The following PRKAR2B variants were observed in gnomAD, a reference collection of about 807,000 sequenced individuals.
PRKAR2B encodes the protein cAMP-dependent protein kinase type II-beta regulatory subunit.
PRKAR2B carries 14 observed loss-of-function variants against 49.9 expected under a neutral mutation model. The observed-to-expected ratio is 0.28, with a 90% CI of 0.19 to 0.44. PRKAR2B has a LOEUF of 0.44. Ranked by LOEUF, PRKAR2B falls within the 20% of genes least tolerant of loss-of-function variation. PRKAR2B has a pLI of 1.00. For missense variants in PRKAR2B, 393 were observed against 537.9 expected (o/e 0.73, Z 2.67); for synonymous variants, 196 against 197.7 (o/e 0.99, Z 0.07).
chr7:107,064,498 GGAA>G (rs1325087967), intron 1 of PRKAR2B, among the ~76,000 whole-genome samples: 1 of 152,126 alleles, frequency 6.6e-6, no homozygotes, highest in Non-Finnish European at 1.5e-5. Context: ...TAATCAAAAA[GGAA>G]GAAGAAAAGT....
rs1218344158 is a variant in PRKAR2B, at chr7:107,044,786, G to T, written c.-122G>T. On this transcript the variant is annotated 5_prime_UTR_variant, in exon 1 of 11. Coordinates refer to ENST00000265717, the MANE Select transcript of PRKAR2B (RefSeq NM_002736.3). ...CAGCCGGGCCGCCGGGGCCCAGTGC[G>T]CCGCGCTCGCAGCCGGTAGCGCGCC... is the stretch of plus-strand genomic sequence containing the variant. The T allele has an allele frequency of 4.8e-6, 3 of 625,388 alleles. No individual in the cohort carries two copies. Among genetic ancestry groups the T allele is most frequent in the Non-Finnish European group, 6.3e-6 (3 of 478,880 alleles). The allele number at this position is 625,388 out of a possible 1,614,324, so 38.7% of individuals were successfully genotyped here.
At chr7:107,069,290 A>G (rs909912020) in intron 1 of PRKAR2B, among the ~76,000 whole-genome samples, 3 of 152,210 alleles carry the variant, frequency 2.0e-5, no homozygotes, top group Non-Finnish European at 4.4e-5. Flanking sequence ...TACACATCTG[A>G]CATAGTTTTA....
intron 1 of PRKAR2B, among the ~76,000 whole-genome samples, chr7:107,052,382 C>T (rs780105683): frequency 6.6e-6 from 1 of 152,146 alleles, no homozygotes; most frequent in South Asian, 2.1e-4. Context: ...TGCGCCACTG[C>T]ACTCCAGCTT....
chr7:107,081,972 G>A (rs1321814907), intron 2 of PRKAR2B: 1 of 152,156 alleles, frequency 6.6e-6, no homozygotes, highest in Non-Finnish European at 1.5e-5. Context: ...TTTAATATAT[G>A]CATTGCCTAA....
intron 8 of PRKAR2B, among the ~76,000 whole-genome samples, chr7:107,154,051 C>G (rs868267031): frequency 1.3e-5 from 2 of 151,800 alleles, no homozygotes; most frequent in Non-Finnish European, 2.9e-5. Context: ...GTAAATCTTT[C>G]GATCAACACC....
chr7:107,120,461 G>A (rs1795367174), intron 2 of PRKAR2B, among the ~76,000 whole-genome samples: 1 of 152,066 alleles, frequency 6.6e-6, no homozygotes, highest in African/African-American at 2.4e-5. Flanking sequence ...GGGAATAGTG[G>A]TACCAAAGAT....
intron 1 of PRKAR2B, among the ~76,000 whole-genome samples, chr7:107,053,525 A>AGTGTGTGTGTGT (rs56855022): frequency 1.4e-5 from 2 of 141,890 alleles, no homozygotes; most frequent in African/African-American, 2.6e-5. Context: ...GATTATAAAG[A>AGTGTGTGTGTGT]GTGTGTGTGT....
At chr7:107,116,868 T>TATATATATATACACAC (rs1795283000) in intron 2 of PRKAR2B, among the ~76,000 whole-genome samples, 1 of 148,162 alleles carries the variant, frequency 6.7e-6, no homozygotes, top group African/African-American at 2.5e-5. Flanking sequence ...TATATATACA[T>TATATATATATACACAC]ATATATATAT....
At chr7:107,059,206 T>C (rs1793978108) in intron 1 of PRKAR2B, among the ~76,000 whole-genome samples, 2 of 152,162 alleles carry the variant, frequency 1.3e-5, no homozygotes, top group Admixed American at 6.5e-5. Context: ...GAGAATCGCT[T>C]GAACCCAGGA....
intron 2 of PRKAR2B, among the ~76,000 whole-genome samples, chr7:107,079,825 A>T (rs574694055): frequency 2.0e-5 from 3 of 152,186 alleles, no homozygotes; most frequent in Non-Finnish European, 4.4e-5. Context: ...GACACTCTGG[A>T]TGAGGTCAAA....
intron 2 of PRKAR2B, among the ~76,000 whole-genome samples, chr7:107,110,032 G>T (rs974280177): frequency 1.1e-4 from 16 of 152,180 alleles, no homozygotes; most frequent in Non-Finnish European, 1.5e-5. Context: ...ACAGTCTTGG[G>T]TTACCAGCAC....
intron 1 of PRKAR2B, among the ~76,000 whole-genome samples, chr7:107,059,010 G>A (rs566209368): frequency 3.3e-5 from 5 of 152,058 alleles, no homozygotes; most frequent in African/African-American, 4.8e-5. Context: ...TCCTGGCCAC[G>A]CACGGTGGCT....
At chr7:107,094,935 A>G (rs1794806717) in intron 2 of PRKAR2B, among the ~76,000 whole-genome samples, 1 of 152,200 alleles carries the variant, frequency 6.6e-6, no homozygotes, top group Admixed American at 6.5e-5. Context: ...GAAGTCAGGT[A>G]GCATGATGCC....
intron 2 of PRKAR2B, among the ~76,000 whole-genome samples, chr7:107,119,593 G>A (rs1250732703): frequency 6.6e-6 from 1 of 152,176 alleles, no homozygotes; most frequent in East Asian, 1.9e-4. Context: ...CAGTTAAAGT[G>A]TCCCAGACAC....
At chr7:107,080,877 GT>G (rs1487687656) in intron 2 of PRKAR2B, among the ~76,000 whole-genome samples, 1 of 152,176 alleles carries the variant, frequency 6.6e-6, no homozygotes, top group African/African-American at 2.4e-5. Flanking sequence ...GGCAGATACA[GT>G]TTAGGATCTT....
At chr7:107,099,287 A>G (rs919053585) in intron 2 of PRKAR2B, among the ~76,000 whole-genome samples, 5 of 152,126 alleles carry the variant, frequency 3.3e-5, no homozygotes, top group African/African-American at 7.2e-5. Flanking sequence ...GCAGTGATTG[A>G]GGCTGTGTGG....
intron 1 of PRKAR2B, among the ~76,000 whole-genome samples, chr7:107,046,571 C>T (rs80265316): frequency 6.6e-6 from 1 of 152,044 alleles, no homozygotes; most frequent in African/African-American, 2.4e-5. Context: ...AATGTTTCCC[C>T]AAGAGGATAA....
chr7:107,145,957 T>G (rs543159663), intron 5 of PRKAR2B, among the ~76,000 whole-genome samples: 1 of 152,114 alleles, frequency 6.6e-6, no homozygotes, highest in South Asian at 2.1e-4. Context: ...GCCAGGCTGG[T>G]CTCAAACTCC....
Position 107,100,635 on chromosome 7 carries a change from T to A in PRKAR2B, c.344-21317T>A, listed in dbSNP as rs536438821. On this transcript the variant is annotated intron_variant, in intron 2 of 10. Coordinates refer to ENST00000265717, the MANE Select transcript of PRKAR2B (RefSeq NM_002736.3). ...AACTTCTATTATACTTAGGCTAGTA[T>A]ACTTGATGTCTCACAGATATCTACG... Among the ~76,000 whole-genome samples, 13 of 152,340 alleles carry A rather than the reference T, an allele frequency of 8.5e-5. No individual in the cohort carries two copies. The East Asian group carries it at 2.3e-3, about 27-fold the overall frequency.
Sources: gnomAD v4.1 joint callset for allele counts (sites outside exome capture counted in the v4.1 genomes callset) on GRCh38, gnomAD v4.1.1 for gene constraint, MANE v1.5 for transcripts, NCBI Gene and HGNC (gene_info 2026-07-23, HGNC 2026-07-21) for gene names.